The following NDUFS4 variants were observed in gnomAD, a reference collection of about 807,000 sequenced individuals.
NDUFS4 encodes NADH dehydrogenase [ubiquinone] iron-sulfur protein 4, mitochondrial.
A neutral mutation model predicts 24.3 loss-of-function variants in NDUFS4; 28 were observed. The ratio of observed to expected loss-of-function variants is 1.15; its 90% CI spans 0.85 to 1.58. NDUFS4 has a LOEUF of 1.58. NDUFS4 is among the 40% of genes most tolerant of loss of function. The pLI, the probability that NDUFS4 is intolerant of heterozygous loss-of-function variation, is 0.00. For synonymous variants in NDUFS4, 93 were observed against 69.7 expected, an observed-to-expected ratio of 1.34 and a Z score of -1.67; for missense variants, 223 against 207.9, an observed-to-expected ratio of 1.07 and a Z score of -0.45.
At chr5:53,616,671 T>C (rs1201383534) in intron 2 of NDUFS4, among the ~76,000 whole-genome samples, 1 of 152,074 alleles carries the variant, frequency 6.6e-6, no homozygotes, top group Non-Finnish European at 1.5e-5. Flanking sequence ...AGGAGCTGGA[T>C]CAGGTAAGAA....
At chr5:53,610,722 T>C (rs2112466285) in intron 2 of NDUFS4, among the ~76,000 whole-genome samples, 1 of 152,280 alleles carries the variant, frequency 6.6e-6, no homozygotes, top group East Asian at 1.9e-4. Flanking sequence ...TTCTCTTTTC[T>C]GGGTTAAACA....
At position 53,654,175 on chromosome 5, in the gene NDUFS4, C is replaced by G. The variant is rs553891457; in HGVS notation, c.351-4376C>G. Reference sequence around the variant, plus strand: ...AAAGTTCTTTTCTAATCTTGATCTACCAATAATTAAAAAAAATCAGGAATG... The same window carrying G: ...AAAGTTCTTTTCTAATCTTGATCTAGCAATAATTAAAAAAAATCAGGAATG... On this transcript the variant is annotated intron_variant, in intron 3 of 4. Transcript: ENST00000296684. Among the ~76,000 whole-genome samples the G allele has an allele frequency of 4.0e-5, 6 of 151,746 alleles. No individual in the cohort carries two copies. In the South Asian group the frequency reaches 1.2e-3, roughly 32 times the overall value.
intron 1 of NDUFS4, among the ~76,000 whole-genome samples, chr5:53,597,381 C>T (rs1051538803): frequency 6.6e-6 from 1 of 152,188 alleles, no homozygotes; most frequent in African/African-American, 2.4e-5. Context: ...TTTAGGAGAA[C>T]AGGATACAGA....
chr5:53,591,467 G>GA (rs1014677027), intron 1 of NDUFS4, among the ~76,000 whole-genome samples: 6 of 135,606 alleles, frequency 4.4e-5, no homozygotes, highest in Admixed American at 7.3e-5. Context: ...TTTTTGGGGG[G>GA]GGGGGGTGAT....
chr5:53,576,779 A>C (rs910039037), intron 1 of NDUFS4, among the ~76,000 whole-genome samples: 1 of 152,212 alleles, frequency 6.6e-6, no homozygotes, highest in African/African-American at 2.4e-5. Context: ...TATCTTCGGG[A>C]AACAAAGTTT....
At chr5:53,598,642 T>A (rs1248821938) in intron 1 of NDUFS4, among the ~76,000 whole-genome samples, 2 of 152,112 alleles carry the variant, frequency 1.3e-5, no homozygotes, top group African/African-American at 4.8e-5. Context: ...TAAAAATTTA[T>A]CTCATATTGT....
In NDUFS4 at chr5:53,614,822, A is replaced by G. The variant is rs571932242; in HGVS notation, c.177+11292A>G. Among the ~76,000 whole-genome samples, 20 of 152,030 alleles carry G rather than the reference A, an allele frequency of 1.3e-4. No homozygotes were observed. The South Asian group carries it at 4.1e-3, about 32-fold the overall frequency. The stretch of plus-strand genomic sequence containing the variant: ...GAATTTAAAATTCTTGCATGTTATT[A>G]TGTAGGAAACTTTGGCTCTCAAGAA... On this transcript the variant is annotated intron_variant, in intron 2 of 4. Transcript: ENST00000296684.
At chr5:53,630,450 C>T (rs958207095) in intron 2 of NDUFS4, among the ~76,000 whole-genome samples, 19 of 152,020 alleles carry the variant, frequency 1.2e-4, no homozygotes, top group Non-Finnish European at 2.2e-4. Flanking sequence ...GGGAAGTTCT[C>T]CTGGATAATA....
At chr5:53,642,677 A>G (rs921307870) in intron 2 of NDUFS4, among the ~76,000 whole-genome samples, 1 of 152,184 alleles carries the variant, frequency 6.6e-6, no homozygotes, top group Non-Finnish European at 1.5e-5. Context: ...CAGTTTTAAT[A>G]TGGAAAACTA....
intron 2 of NDUFS4, among the ~76,000 whole-genome samples, chr5:53,632,183 G>T (rs1351982243): frequency 6.6e-6 from 1 of 152,182 alleles, no homozygotes; most frequent in African/African-American, 2.4e-5. Flanking sequence ...TACAGTTAAT[G>T]ATTTTTAAGT....
chr5:53,680,977 C>T (rs982500541), intron 4 of NDUFS4, among the ~76,000 whole-genome samples: 1 of 152,020 alleles, frequency 6.6e-6, no homozygotes, highest in African/African-American at 2.4e-5. Flanking sequence ...GAGGTCTCCC[C>T]TGTATACCCC....
chr5:53,563,753 C>T lies in NDUFS4; in HGVS notation c.98+2993C>T, dbSNP rs188665372. Among the ~76,000 whole-genome samples the T allele has an allele frequency of 7.3e-3, 1,105 of 152,260 alleles. 13 individuals are homozygous for T. Among genetic ancestry groups the T allele is most frequent in the African/African-American group, 0.025 (1,055 of 41,558 alleles). ...CTACCCACAGGTGATCCACCCGCCCCGGCCTCCCAAAGTGCTGGGATGACA... is the reference window on the plus strand; with the variant it reads ...CTACCCACAGGTGATCCACCCGCCCTGGCCTCCCAAAGTGCTGGGATGACA... On this transcript the variant is annotated intron_variant, in intron 1 of 4. Coordinates refer to ENST00000296684, the MANE Select transcript of NDUFS4 (RefSeq NM_002495.4).
chr5:53,648,296 G>A (rs1751921768), intron 3 of NDUFS4, among the ~76,000 whole-genome samples: 1 of 152,158 alleles, frequency 6.6e-6, no homozygotes, highest in African/African-American at 2.4e-5. Flanking sequence ...TCCTGTAGTA[G>A]TAGTACAAGA....
chr5:53,587,164 T>G (rs1423370385), intron 1 of NDUFS4, among the ~76,000 whole-genome samples: 1 of 152,082 alleles, frequency 6.6e-6, no homozygotes, highest in Non-Finnish European at 1.5e-5. Flanking sequence ...AGTCTCCTTC[T>G]CTATCCCATC....
rs185169916 is a variant in NDUFS4, at chr5:53,682,568, A to G, written c.425-550A>G. Among the ~76,000 whole-genome samples the G allele has an allele frequency of 2.4e-3, 360 of 152,182 alleles. 5 individuals carry two copies. The highest frequency in any genetic ancestry group is 8.1e-3 in the African/African-American group (336 of 41,544). On this transcript the variant is annotated intron_variant, in intron 4 of 4. Transcript: ENST00000296684. Reference sequence around the variant, plus strand: ...TGTTGAAAATCAATTTTTGAGTTTAATCAGTAGCCTGTCCAAGTCCAGGGG... The same window carrying G: ...TGTTGAAAATCAATTTTTGAGTTTAGTCAGTAGCCTGTCCAAGTCCAGGGG...
chr5:53,656,019 C>A (rs1435898170), intron 3 of NDUFS4, among the ~76,000 whole-genome samples: 1 of 152,100 alleles, frequency 6.6e-6, no homozygotes, highest in Non-Finnish European at 1.5e-5. Flanking sequence ...TGGATACTCT[C>A]TTCCAGCTGC....
intron 3 of NDUFS4, among the ~76,000 whole-genome samples, chr5:53,647,685 A>G (rs1235496224): frequency 1.3e-5 from 2 of 152,192 alleles, no homozygotes; most frequent in African/African-American, 2.4e-5. Flanking sequence ...TAAGCTAGAA[A>G]ATTGTCATTC....
At chr5:53,632,626 T>G (rs1274852873) in intron 2 of NDUFS4, among the ~76,000 whole-genome samples, 3 of 152,108 alleles carry the variant, frequency 2.0e-5, no homozygotes, top group African/African-American at 2.4e-5. Context: ...GGATTTACCT[T>G]TCTGTACCAT....
At chr5:53,590,976 T>C (rs1272676018) in intron 1 of NDUFS4, among the ~76,000 whole-genome samples, 1 of 152,204 alleles carries the variant, frequency 6.6e-6, no homozygotes, top group Non-Finnish European at 1.5e-5. Context: ...CCATTTTACT[T>C]TCTGTTTCTG....
Sources: allele counts gnomAD v4.1 joint callset (sites outside exome capture counted in the v4.1 genomes callset), GRCh38; gene constraint gnomAD v4.1.1; transcripts MANE v1.5; gene names NCBI Gene and HGNC (gene_info 2026-07-23, HGNC 2026-07-21).